The following CUX1 variants were observed in gnomAD, a reference collection of about 807,000 sequenced individuals.
CUX1 encodes the protein protein CASP.
In CUX1, 31 loss-of-function variants were observed where a neutral mutation model predicts 158.8. The observed-to-expected ratio is 0.20, with a 90% CI of 0.15 to 0.26. The LOEUF (loss-of-function observed/expected upper bound fraction) is 0.26, where lower values mean the gene tolerates loss of function less well. CUX1 is among the 10% of genes least tolerant of loss of function. CUX1 has a pLI of 1.00. For synonymous variants in CUX1, 879 were observed against 862.1 expected, an observed-to-expected ratio of 1.02 and a Z score of -0.34; for missense variants, 1,589 against 2,014.6, an observed-to-expected ratio of 0.79 and a Z score of 4.04.
rs1013926617 is a variant in CUX1 at position 101,869,824 on chromosome 7, G to T, written c.31-46291G>T. ...AACCCCGGTTTCAGCTTTCCCCGTG[G>T]CTCCCCTCCGCCAAATCTTAAATCC... is the stretch of plus-strand genomic sequence containing the variant. On this transcript the variant is annotated intron_variant, in intron 1 of 23. Transcript: ENST00000292535. The surrounding 1 kb of genome is among the most constrained non-coding windows in gnomAD (Gnocchi z 4.5). 1.3e-5 allele frequency among the ~76,000 whole-genome samples: 2 copies of T among 152,126 alleles called. No homozygotes were observed. Among genetic ancestry groups the T allele is most frequent in the African/African-American group, 2.4e-5 (1 of 41,404 alleles).
At chr7:102,067,067 C>T (rs1162484418) in intron 3 of CUX1, among the ~76,000 whole-genome samples, 1 of 152,016 alleles carries the variant, frequency 6.6e-6, no homozygotes, top group African/African-American at 2.4e-5. Flanking sequence ...ACAGCTGTCA[C>T]CACAGACAAT....
intron 2 of CUX1, among the ~76,000 whole-genome samples, chr7:102,019,738 T>C (rs1047672760): frequency 6.6e-6 from 1 of 152,162 alleles, no homozygotes; most frequent in Non-Finnish European, 1.5e-5. Flanking sequence ...AGCATCAGCA[T>C]TGGAGACTCT....
At chr7:102,056,932 C>T (rs1242090938) in intron 3 of CUX1, among the ~76,000 whole-genome samples, 8 of 142,774 alleles carry the variant, frequency 5.6e-5, no homozygotes, top group Admixed American at 1.5e-4. Flanking sequence ...GACAGAGTCT[C>T]GCTCTGTCAC....
At chr7:101,983,251 C>T (rs1167367754) in intron 2 of CUX1, among the ~76,000 whole-genome samples, 1 of 152,122 alleles carries the variant, frequency 6.6e-6, no homozygotes, top group African/African-American at 2.4e-5. Context: ...ATTTGGTCTC[C>T]ATAAAATAAT....
intron 11 of CUX1, among the ~76,000 whole-genome samples, chr7:102,182,255 G>A (rs1278932570): frequency 1.3e-5 from 2 of 152,188 alleles, no homozygotes; most frequent in African/African-American, 2.4e-5. Context: ...TGGGGAGAGG[G>A]CATTTCCCAT....
At position 102,204,396 on chromosome 7, in the gene CUX1, G is replaced by A; in HGVS notation, c.2913G>A (p.Leu971=). 1 of 1,613,412 alleles carries A rather than the reference G, an allele frequency of 6.2e-7. No individual in the cohort carries two copies. The highest frequency in any genetic ancestry group is 8.5e-7 in the Non-Finnish European group (1 of 1,179,994). The change falls in exon 19 of 24, where the codon CTG becomes CTA. Residue 971 remains leucine (L), a synonymous_variant. Transcript: ENST00000292535. ...ICQRIFGEKV[L]GLSQGSVSDM... is the part of the protein sequence containing the mutation. ...TGTGTTCGGTGCCACTCCAGGTGCT[G>A]GGCCTGTCCCAGGGCAGCGTCAGCG... is the stretch of plus-strand genomic sequence containing the variant.
At chr7:102,069,825 C>T (rs746185185) in intron 3 of CUX1, among the ~76,000 whole-genome samples, 66 of 152,202 alleles carry the variant, frequency 4.3e-4, no homozygotes, top group Non-Finnish European at 8.1e-4. Flanking sequence ...GCATCTTACC[C>T]GTCCACCTGG....
intron 21 of CUX1, among the ~76,000 whole-genome samples, chr7:102,228,797 C>CA (rs1306239569): frequency 1.3e-5 from 2 of 152,084 alleles, no homozygotes; most frequent in Non-Finnish European, 2.9e-5. Flanking sequence ...GATTCTGTCT[C>CA]AAAAAAAGAA....
chr7:101,928,450 A>T (rs1376358589), intron 2 of CUX1, among the ~76,000 whole-genome samples: 1 of 147,682 alleles, frequency 6.8e-6, no homozygotes. Context: ...GGCTCACTGC[A>T]ACCTCTGCCT....
In CUX1 at chr7:102,255,840, A is replaced by AT. The variant is rs200236770; in HGVS notation, c.*6806dup. The AT allele has an allele frequency of 3.2e-4, 311 of 981,762 alleles. No individual in the cohort carries two copies. The highest frequency in any genetic ancestry group is 1.1e-3 in the African/African-American group (62 of 56,994). 60.8% of individuals were successfully genotyped at this position (981,762 alleles called of 1,614,324 possible). ...CCTTCTTCTTTTTTATTATTTTATTATTTTTTTTGTACTTTGCTTTAAACG... is the reference window on the plus strand; with the variant it reads ...CCTTCTTCTTTTTTATTATTTTATTATTTTTTTTTGTACTTTGCTTTAAACG... On this transcript the variant is annotated 3_prime_UTR_variant, in exon 24 of 24. Coordinates refer to ENST00000292535, the MANE Select transcript of CUX1 (RefSeq NM_181552.4).
At chr7:101,958,872 T>TA (rs1554432453) in intron 2 of CUX1, among the ~76,000 whole-genome samples, 7 of 141,212 alleles carry the variant, frequency 5.0e-5, no homozygotes, top group Middle Eastern at 3.5e-3. Context: ...TTTTTTTTTT[T>TA]AAGAGACAGT....
intron 13 of CUX1, 27 bp from the exon 14 acceptor site, chr7:102,195,480 G>C (rs782025519): frequency 1.3e-6 from 2 of 1,593,362 alleles, no homozygotes; most frequent in Non-Finnish European, 8.5e-7. Flanking sequence ...CGGCCCCGCA[G>C]TGAGACCCCC....
chr7:102,000,513 G>C (rs1816564440), intron 2 of CUX1, among the ~76,000 whole-genome samples: 1 of 152,220 alleles, frequency 6.6e-6, no homozygotes, highest in Non-Finnish European at 1.5e-5. Context: ...TATATTTCAA[G>C]ACCATTGACA....
intron 9 of CUX1, among the ~76,000 whole-genome samples, chr7:102,162,739 CT>C (rs1554507583): frequency 1.3e-5 from 2 of 152,196 alleles, no homozygotes. Context: ...TGCTCTTGAA[CT>C]CCTGGGCTCA....
At chr7:102,276,594 G>A (rs782506602) in intron 17 of CUX1, among the ~76,000 whole-genome samples, 8 of 152,180 alleles carry the variant, frequency 5.3e-5, no homozygotes, top group Non-Finnish European at 5.9e-5. Flanking sequence ...GAGCCACCGC[G>A]CTGGCCACTG....
intron 6 of CUX1, among the ~76,000 whole-genome samples, chr7:102,107,096 T>C (rs1830437128): frequency 6.6e-6 from 1 of 152,058 alleles, no homozygotes; most frequent in South Asian, 2.1e-4. Context: ...GCGCCATGCA[T>C]GTCAGCATGT....
Position 102,252,706 on chromosome 7 carries a change from C to T in CUX1, c.*3664C>T. 1.0e-6 allele frequency: 1 copy of T among 985,458 alleles called. No individual in the cohort carries two copies. The highest frequency in any genetic ancestry group is 1.2e-6 in the Non-Finnish European group (1 of 829,972). The allele number at this position is 985,458 out of a possible 1,614,324, so 61.0% of individuals were successfully genotyped here. ...TAGACCTGTGCCCAACTCACTTCCA[C>T]CCCAGAGGAGTCTTCTGTCCTCCTC... On this transcript the variant is annotated 3_prime_UTR_variant, in exon 24 of 24. Transcript: ENST00000292535.
At chr7:101,870,065 G>A (rs771860926) in intron 1 of CUX1, among the ~76,000 whole-genome samples, 5 of 151,226 alleles carry the variant, frequency 3.3e-5, no homozygotes, top group Non-Finnish European at 7.4e-5. Context: ...CTTTCCATCC[G>A]GTGTCTTCAC....
intron 10 of CUX1, among the ~76,000 whole-genome samples, chr7:102,176,361 C>A (rs1432693794): frequency 6.6e-6 from 1 of 152,054 alleles, no homozygotes; most frequent in South Asian, 2.1e-4. Flanking sequence ...AAGATCAGGA[C>A]GTGAAACTGA....
Sources: allele counts gnomAD v4.1 joint callset (sites outside exome capture counted in the v4.1 genomes callset), GRCh38; gene constraint gnomAD v4.1.1; non-coding constraint Gnocchi (gnomAD v3.1); transcripts MANE v1.5; gene names NCBI Gene and HGNC (gene_info 2026-07-23, HGNC 2026-07-21).